The following B3GLCT variants were observed in gnomAD, a reference collection of about 807,000 sequenced individuals.
The protein encoded by B3GLCT is beta-1,3-glucosyltransferase.
In B3GLCT, 65 loss-of-function variants were observed where a neutral mutation model predicts 63.4. The observed-to-expected ratio is 1.03, with a 90% CI of 0.84 to 1.26. The LOEUF is 1.26. Ranked by LOEUF, B3GLCT falls within the 50% of genes most tolerant of loss-of-function variation. B3GLCT has a pLI of 0.00. For synonymous variants in B3GLCT, 233 were observed against 219.2 expected (o/e 1.06, Z -0.55); for missense variants, 577 against 604.8 (o/e 0.95, Z 0.48).
intron 14 of B3GLCT, among the ~76,000 whole-genome samples, chr13:31,326,613 C>G (rs1249702786): frequency 6.6e-6 from 1 of 152,106 alleles, no homozygotes; most frequent in Non-Finnish European, 1.5e-5. Flanking sequence ...CAGCCCCTCT[C>G]TCTTCCTGTA....
chr13:31,243,982 C>T (rs1871073647), intron 4 of B3GLCT, among the ~76,000 whole-genome samples: 1 of 152,178 alleles, frequency 6.6e-6, no homozygotes, highest in Non-Finnish European at 1.5e-5. Context: ...GGCATTATCT[C>T]ATTATCGAGA....
chr13:31,222,277 C>T (rs1007865930), intron 2 of B3GLCT, among the ~76,000 whole-genome samples: 1 of 151,884 alleles, frequency 6.6e-6, no homozygotes, highest in African/African-American at 2.4e-5. Context: ...TGGGGTTTTC[C>T]GTATTGGCCA....
intron 4 of B3GLCT, among the ~76,000 whole-genome samples, chr13:31,237,522 T>G (rs974599684): frequency 6.6e-6 from 1 of 151,950 alleles, no homozygotes; most frequent in Non-Finnish European, 1.5e-5. Flanking sequence ...CCTGGCTGAT[T>G]TTTTGTATTT....
chr13:31,269,422 A>G, intron 8 of B3GLCT, 145 bp downstream of exon 8: 2 of 620,000 alleles, frequency 3.2e-6, no homozygotes, highest in Non-Finnish European at 5.8e-6. Flanking sequence ...ACTCCAGCGA[A>G]TTAGGTGCTT....
intron 2 of B3GLCT, among the ~76,000 whole-genome samples, chr13:31,218,116 G>C (rs1350848470): frequency 6.7e-6 from 1 of 149,576 alleles, no homozygotes; most frequent in Non-Finnish European, 1.5e-5. Context: ...GCAGTGTTTT[G>C]TAATGCTCAC....
intron 1 of B3GLCT, among the ~76,000 whole-genome samples, chr13:31,209,546 C>T (rs902715908): frequency 4.6e-5 from 7 of 152,158 alleles, no homozygotes; most frequent in South Asian, 2.1e-4. Flanking sequence ...CTGGAAGGAG[C>T]GCCTGAGCCA....
chr13:31,215,735 C>T (rs1016757597), intron 2 of B3GLCT, among the ~76,000 whole-genome samples: 6 of 152,104 alleles, frequency 3.9e-5, no homozygotes, highest in Admixed American at 3.3e-4. Context: ...AATATCTTAA[C>T]CTTGGGTTTA....
chr13:31,286,454 G>A (rs527589422), intron 11 of B3GLCT, among the ~76,000 whole-genome samples: 5 of 152,124 alleles, frequency 3.3e-5, no homozygotes, highest in Non-Finnish European at 7.4e-5. Context: ...CAGATTATCT[G>A]TGTGACTGTG....
chr13:31,299,447 G>T (rs1874119514), intron 12 of B3GLCT, among the ~76,000 whole-genome samples: 1 of 152,038 alleles, frequency 6.6e-6, no homozygotes, highest in Non-Finnish European at 1.5e-5. Context: ...CAAAAGCCAT[G>T]CCAGAGTCAT....
At chr13:31,306,561 G>T (rs1045481186) in intron 12 of B3GLCT, among the ~76,000 whole-genome samples, 2 of 110,656 alleles carry the variant, frequency 1.8e-5, no homozygotes, top group Non-Finnish European at 3.6e-5. Flanking sequence ...GCCAAATCAT[G>T]AGTGAACTCC....
intron 7 of B3GLCT, among the ~76,000 whole-genome samples, chr13:31,267,192 G>C (rs1426646230): frequency 1.3e-5 from 2 of 152,244 alleles, no homozygotes; most frequent in Admixed American, 1.3e-4. Flanking sequence ...TAAGGTAACA[G>C]TACTAAGGTG....
chr13:31,206,925 A>C (rs1000450276), intron 1 of B3GLCT, among the ~76,000 whole-genome samples: 1 of 152,160 alleles, frequency 6.6e-6, no homozygotes, highest in African/African-American at 2.4e-5. Flanking sequence ...TCATTTGGCA[A>C]ATTTTTAAAT....
At chr13:31,321,907 A>G (rs2137943762) in intron 13 of B3GLCT, among the ~76,000 whole-genome samples, 1 of 152,138 alleles carries the variant, frequency 6.6e-6, no homozygotes, top group Middle Eastern at 3.4e-3. Flanking sequence ...TGAGTTCTTT[A>G]GTGGTGATTT....
Position 31,200,129 on chromosome 13 carries a change from G to T in B3GLCT, c.45G>T (p.Leu15=). The change falls in exon 1 of 15, where the codon CTG becomes CTT. Residue 15 remains leucine, a synonymous_variant. Coordinates refer to ENST00000343307, the MANE Select transcript of B3GLCT (RefSeq NM_194318.4). ...GGTGGCTGCTCGCGCCGCCGGCGCT[G>T]CTCGCGCTCCTCACCTGCTCCCTGG... ...ACWWLLAPPA[L]LALLTCSLAF... 1 of 1,374,480 alleles carries T rather than the reference G, an allele frequency of 7.3e-7. No individual in the cohort carries two copies. The highest frequency in any genetic ancestry group is 9.5e-7 in the Non-Finnish European group (1 of 1,054,164). The allele number at this position is 1,374,480 out of a possible 1,614,324, so 85.1% of individuals were successfully genotyped here. A position where few individuals can be genotyped will look rare whatever the true frequency, so the allele number is the denominator to read the frequency against.
intron 10 of B3GLCT, among the ~76,000 whole-genome samples, chr13:31,280,022 C>T (rs1056196477): frequency 5.3e-5 from 8 of 152,128 alleles, no homozygotes; most frequent in African/African-American, 7.2e-5. Flanking sequence ...CCCTGAATAT[C>T]GCTGTTATCC....
At chr13:31,294,483 A>G (rs942741742) in intron 12 of B3GLCT, among the ~76,000 whole-genome samples, 10 of 152,318 alleles carry the variant, frequency 6.6e-5, no homozygotes, top group East Asian at 5.8e-4. Flanking sequence ...ACATAGTCCC[A>G]TATTTCTTGG....
intron 2 of B3GLCT, among the ~76,000 whole-genome samples, chr13:31,216,796 G>T (rs1869584451): frequency 6.6e-6 from 1 of 152,164 alleles, no homozygotes; most frequent in African/African-American, 2.4e-5. Context: ...CTTTTTTATG[G>T]CTGTGTAGTA....
chr13:31,205,245 T>G (rs112980849), intron 1 of B3GLCT, among the ~76,000 whole-genome samples: 2,727 of 151,718 alleles, frequency 0.018, 95 homozygotes, highest in African/African-American at 0.063. Context: ...GTTTTTTTTT[T>G]TTGTTTTTTT....
chr13:31,320,836 A>T (rs1875297531), intron 13 of B3GLCT, among the ~76,000 whole-genome samples: 1 of 152,160 alleles, frequency 6.6e-6, no homozygotes. Context: ...GTCTCTGCAT[A>T]CCATTGTTTC....
Sources: allele counts gnomAD v4.1 joint callset (sites outside exome capture counted in the v4.1 genomes callset), GRCh38; gene constraint gnomAD v4.1.1; transcripts MANE v1.5; gene names NCBI Gene and HGNC (gene_info 2026-07-23, HGNC 2026-07-21).